EPRS1: variants seen among roughly 807,000 people sequenced by gnomAD.
EPRS1 encodes the protein glutamyl-prolyl-tRNA synthetase 1.
Under a neutral mutation model 188.3 loss-of-function variants are expected in EPRS1, and 107 were observed. The observed-to-expected ratio is 0.57, with a 90% CI of 0.49 to 0.67. The LOEUF (loss-of-function observed/expected upper bound fraction) is 0.67, where lower values mean the gene tolerates loss of function less well. EPRS1 is among the 30% of genes least tolerant of loss of function. EPRS1 has a pLI of 0.00. For synonymous variants in EPRS1, 596 were observed against 593.1 expected (o/e 1.00, Z -0.07); for missense variants, 1,577 against 1,802.2 (o/e 0.88, Z 2.26).
At chr1:220,024,681 G>T (rs1404291973) in intron 7 of EPRS1, among the ~76,000 whole-genome samples, 1 of 152,142 alleles carries the variant, frequency 6.6e-6, no homozygotes, top group Non-Finnish European at 1.5e-5. Flanking sequence ...TCTCACGATG[G>T]AGTTTTCCAT....
intron 5 of EPRS1, among the ~76,000 whole-genome samples, chr1:220,032,115 C>T (rs916333960): frequency 6.6e-6 from 1 of 151,816 alleles, no homozygotes; most frequent in Non-Finnish European, 1.5e-5. Context: ...CGCTCTGTTG[C>T]CCAGGCAGGA....
Position 220,032,349 on chromosome 1 carries a change from G to GT in EPRS1, c.528+37dup, listed in dbSNP as rs199654586. Reference sequence around the variant, plus strand: ...GATCCGCCCGCCTCAGCCTCCCAAAGTGTTTTTTTTTTTAAAAAAAAAGAA... The same window carrying GT: ...GATCCGCCCGCCTCAGCCTCCCAAAGTTGTTTTTTTTTTTAAAAAAAAAGAA... On this transcript the variant is annotated intron_variant, in intron 5 of 31. Transcript: ENST00000366923. 2.9e-4 allele frequency: 438 copies of GT among 1,516,004 alleles called. No individual in the cohort carries two copies. In the African/African-American group the frequency reaches 5.0e-3, roughly 17 times the overall value. The allele number at this position is 1,516,004 out of a possible 1,614,324, so 93.9% of individuals were successfully genotyped here.
At chr1:220,003,587 G>GA (rs1470754303) in intron 16 of EPRS1, among the ~76,000 whole-genome samples, 1 of 152,180 alleles carries the variant, frequency 6.6e-6, no homozygotes, top group Non-Finnish European at 1.5e-5. Flanking sequence ...TATGATATGA[G>GA]AAAGTGCCCA....
intron 12 of EPRS1, among the ~76,000 whole-genome samples, chr1:220,017,190 G>A (rs1359453928): frequency 1.3e-5 from 2 of 152,054 alleles, no homozygotes; most frequent in African/African-American, 2.4e-5. Flanking sequence ...TCCACCGTGG[G>A]CGACAGCAAG....
chr1:220,039,766 C>A (rs1662258131), intron 2 of EPRS1, among the ~76,000 whole-genome samples: 2 of 152,176 alleles, frequency 1.3e-5, no homozygotes, highest in African/African-American at 4.8e-5. Context: ...GATCCGCCTG[C>A]CTCAGCCTCC....
At chr1:220,024,174 A>C (rs941605140) in intron 8 of EPRS1, 90 bp downstream of exon 8, 30 of 902,382 alleles carry the variant, frequency 3.3e-5, no homozygotes, top group Non-Finnish European at 4.3e-5. Context: ...CAAACAAAAA[A>C]ACTAGCAGCT....
At chr1:219,972,701 G>C (rs1355119116) in intron 29 of EPRS1, among the ~76,000 whole-genome samples, 1 of 152,142 alleles carries the variant, frequency 6.6e-6, no homozygotes, top group Non-Finnish European at 1.5e-5. Flanking sequence ...ACTACCTTGA[G>C]ATCTATGATT....
At chr1:219,974,354 G>A (rs1385861976) in intron 28 of EPRS1, among the ~76,000 whole-genome samples, 1 of 152,192 alleles carries the variant, frequency 6.6e-6, no homozygotes, top group Non-Finnish European at 1.5e-5. Context: ...AGCAACTTAA[G>A]GACAGACTAT....
At chr1:220,005,194 T>C (rs1661434968) in intron 16 of EPRS1, 54 bp downstream of exon 16, 1 of 688,070 alleles carries the variant, frequency 1.5e-6, no homozygotes, top group Non-Finnish European at 2.4e-6. Context: ...AAAATATTAC[T>C]CACTATAACA....
chr1:219,984,163 T>C lies in EPRS1; in HGVS notation c.3090+43A>G, dbSNP rs145542091. The C allele has an allele frequency of 4.8e-4, 681 of 1,415,988 alleles. 2 individuals are homozygous for C. In the African/African-American group the frequency reaches 7.9e-3, roughly 16 times the overall value. The allele number at this position is 1,415,988 out of a possible 1,614,324, so 87.7% of individuals were successfully genotyped here. On this transcript the variant is annotated intron_variant, in intron 21 of 31. Transcript: ENST00000366923. ...AGAATCTGAACATAAAAAGCAGCCA[T>C]TGACAGACTTAAAACATAAAAATCA...
At chr1:220,034,714 T>C (rs1305148111) in intron 3 of EPRS1, among the ~76,000 whole-genome samples, 200 bp downstream of exon 3, 1 of 152,060 alleles carries the variant, frequency 6.6e-6, no homozygotes, top group Non-Finnish European at 1.5e-5. Context: ...GGACTAAAGG[T>C]TCAAACTTAG....
intron 12 of EPRS1, among the ~76,000 whole-genome samples, chr1:220,011,439 C>T (rs2789808): frequency 0.86 from 131,478 of 152,264 alleles, 57,197 homozygotes; most frequent in African/African-American, 0.97. Flanking sequence ...TTTGGACAAG[C>T]CCATTTTAAG....
chr1:220,032,351 G>GT (rs1553254086), intron 5 of EPRS1, 36 bp downstream of exon 5: 37,393 of 1,093,686 alleles, frequency 0.034, 7 homozygotes, highest in Non-Finnish European at 0.036. Context: ...CTCCCAAAGT[G>GT]TTTTTTTTTT....
intron 12 of EPRS1, among the ~76,000 whole-genome samples, chr1:220,017,834 G>GT (rs1421678091): frequency 6.6e-6 from 1 of 151,804 alleles, no homozygotes; most frequent in East Asian, 1.9e-4. Flanking sequence ...CAAAGGAACT[G>GT]TAATTAATGA....
In EPRS1 at chr1:220,011,151, C is replaced by T. The variant is rs1247416998; in HGVS notation, c.1495-95G>A. On this transcript the variant is annotated intron_variant, in intron 12 of 31. Coordinates refer to ENST00000366923, the MANE Select transcript of EPRS1 (RefSeq NM_004446.3). ...TAGCACAGGAATACTAACTGGCTTT[C>T]TTGTTACTGCATTTACTAATTTTTT... 9 of 671,664 alleles carry T rather than the reference C, an allele frequency of 1.3e-5. No homozygotes were observed. In the Admixed American group the frequency reaches 2.2e-4, roughly 16 times the overall value. 41.6% of individuals were successfully genotyped at this position (671,664 alleles called of 1,614,324 possible).
chr1:220,004,602 A>G (rs1374539991), intron 16 of EPRS1, among the ~76,000 whole-genome samples: 2 of 152,168 alleles, frequency 1.3e-5, no homozygotes, highest in Non-Finnish European at 2.9e-5. Flanking sequence ...TAAGTCAAAG[A>G]TGACACCTAG....
chr1:220,006,281 G>A lies in EPRS1; in HGVS notation c.1775C>T (p.Ala592Val). Residue 592 changes from alanine to valine, a missense_variant, in exon 15 of 32, where the codon GCA becomes GTA. This residue lies in a region of EPRS1 where 1,278 missense variants were observed against 1,457.4 expected (regional missense o/e 0.88). Transcript: ENST00000366923. ...GTCTTTGTTTTCCAAATTCAACTTT[G>A]CATCAAGAGATATGATTTTTCCATC... ...NADGKIISLD[A>V]KLNLENKDYK... 6.3e-7 allele frequency: 1 copy of A among 1,577,094 alleles called. No individual in the cohort carries two copies. The highest frequency in any genetic ancestry group is 8.6e-7 in the Non-Finnish European group (1 of 1,159,338).
chr1:220,018,255 T>C (rs1185687209), intron 12 of EPRS1, 194 bp downstream of exon 12: 1 of 991,484 alleles, frequency 1.0e-6, no homozygotes, highest in Non-Finnish European at 1.5e-6. Context: ...TGTTACTTAT[T>C]TGGAATAGTT....
At chr1:219,971,365 G>A (rs1660660804) in intron 30 of EPRS1, among the ~76,000 whole-genome samples, 1 of 152,058 alleles carries the variant, frequency 6.6e-6, no homozygotes, top group Admixed American at 6.5e-5. Context: ...AAATCTTAAA[G>A]AGCCATTAAC....
Sources: allele counts gnomAD v4.1 joint callset (sites outside exome capture counted in the v4.1 genomes callset), GRCh38; gene constraint gnomAD v4.1.1; regional missense constraint gnomAD v4.1.1; transcripts MANE v1.5; gene names NCBI Gene and HGNC (gene_info 2026-07-23, HGNC 2026-07-21).